The following BRF1 variants were observed in gnomAD, a reference collection of about 807,000 sequenced individuals.
The protein encoded by BRF1 is BRF1 general transcription factor IIIB subunit.
Under a neutral mutation model 81.7 loss-of-function variants are expected in BRF1, and 59 were observed. The observed-to-expected ratio is 0.72, with a 90% confidence interval of 0.59 to 0.90. The LOEUF (loss-of-function observed/expected upper bound fraction) is 0.90, where lower values mean the gene tolerates loss of function less well. Ranked by LOEUF, BRF1 falls within the 40% of genes least tolerant of loss-of-function variation. The pLI, the probability that BRF1 is intolerant of heterozygous loss-of-function variation, is 0.00. For missense variants in BRF1, 1,050 were observed against 936.3 expected, an observed-to-expected ratio of 1.12 and a Z score of -1.58; for synonymous variants, 491 against 395.6, an observed-to-expected ratio of 1.24 and a Z score of -2.86.
Position 105,309,349 on chromosome 14 carries a change from A to G in BRF1, c.-162+5973T>C, listed in dbSNP as rs187437192. Reference sequence around the variant, plus strand: ...ACACCCTGATTTGTCACACAATCACATATCTGAGAATTTCCCCATGTTGCT... The same window carrying G: ...ACACCCTGATTTGTCACACAATCACGTATCTGAGAATTTCCCCATGTTGCT... On this transcript the variant is annotated intron_variant, in intron 1 of 17. Coordinates refer to the BRF1 transcript ENST00000327359. This position sits in a 1 kb window ranked among gnomAD's most constrained non-coding sequence, Gnocchi z 4.0. Among the ~76,000 whole-genome samples the G allele has an allele frequency of 0.017, 2,520 of 146,616 alleles. 72 individuals are homozygous for G. The highest frequency in any genetic ancestry group is 0.064 in the African/African-American group (2,294 of 35,968).
chr14:105,275,722 A>G (rs1027232228), intron 2 of BRF1, among the ~76,000 whole-genome samples: 6 of 152,240 alleles, frequency 3.9e-5, no homozygotes, highest in African/African-American at 9.6e-5. Flanking sequence ...CAGGGCTGCT[A>G]TGGTCAGAAT....
At chr14:105,243,956 C>T (rs139261252) in intron 5 of BRF1, among the ~76,000 whole-genome samples, 5 of 152,122 alleles carry the variant, frequency 3.3e-5, no homozygotes, top group African/African-American at 9.6e-5. Flanking sequence ...ACCAAGACTG[C>T]GCCACTGTAC....
intron 1 of BRF1, among the ~76,000 whole-genome samples, chr14:105,308,050 G>C (rs966651094): frequency 2.6e-5 from 4 of 152,024 alleles, no homozygotes; most frequent in African/African-American, 9.7e-5. Context: ...TGTGCGTGGT[G>C]GTGCGTGCCT....
At position 105,248,264 on chromosome 14, in the gene BRF1, G is replaced by A. The variant is rs370883156; in HGVS notation, c.544+4243C>T. 3.7e-5 allele frequency: 36 copies of A among 985,348 alleles called. No homozygotes were observed. The African/African-American group carries it at 5.8e-4, about 16-fold the overall frequency. 61.0% of individuals were successfully genotyped at this position (985,348 alleles called of 1,614,324 possible). ...ATCCCACAGGCCGCGGCCAGAGGCA[G>A]ACTCCGGAATGCAAATGGCCAAACA... On this transcript the variant is annotated intron_variant, in intron 5 of 17. Coordinates refer to ENST00000547530, the MANE Select transcript of BRF1 (RefSeq NM_001519.4).
intron 5 of BRF1, chr14:105,241,815 G>A (rs587697533): frequency 1.3e-5 from 3 of 226,406 alleles, no homozygotes; most frequent in South Asian, 6.6e-5. Flanking sequence ...GTCGCCAGCC[G>A]GCCGGCATCA....
At chr14:105,228,951 G>A (rs965583915) in intron 6 of BRF1, 38 bp from the exon 7 acceptor site, 2 of 1,593,372 alleles carry the variant, frequency 1.3e-6, no homozygotes, top group African/African-American at 1.3e-5. Flanking sequence ...AACCACGGCT[G>A]GGAACCAGGG....
intron 15 of BRF1, 36 bp downstream of exon 15, chr14:105,217,508 G>T (rs375646517): frequency 1.0e-4 from 163 of 1,594,996 alleles, no homozygotes; most frequent in Middle Eastern, 1.7e-4. Flanking sequence ...GCCCTGGGCT[G>T]CTGCCCTAAC....
At chr14:105,254,718 C>T (rs893019371) in intron 4 of BRF1, among the ~76,000 whole-genome samples, 2 of 152,208 alleles carry the variant, frequency 1.3e-5, no homozygotes, top group Admixed American at 6.5e-5. Flanking sequence ...TCCGCCACAA[C>T]GCTCAGCTAA....
intron 3 of BRF1, among the ~76,000 whole-genome samples, chr14:105,268,697 G>T (rs1201961959): frequency 6.6e-6 from 1 of 152,204 alleles, no homozygotes; most frequent in Non-Finnish European, 1.5e-5. Context: ...GGAGGATCCT[G>T]GGGGGCCTCT....
intron 15 of BRF1, among the ~76,000 whole-genome samples, chr14:105,216,966 A>G (rs1343499998): frequency 6.6e-6 from 1 of 152,186 alleles, no homozygotes; most frequent in Non-Finnish European, 1.5e-5. Flanking sequence ...CCTCGTCAGG[A>G]GAGCCTGCAG....
intron 5 of BRF1, among the ~76,000 whole-genome samples, chr14:105,243,987 G>A (rs1365407145): frequency 6.6e-6 from 1 of 152,112 alleles, no homozygotes; most frequent in Non-Finnish European, 1.5e-5. Context: ...GCGACAGAGC[G>A]AGACTCCATC....
chr14:105,223,565 G>A (rs1159284436), intron 10 of BRF1, among the ~76,000 whole-genome samples: 1 of 152,210 alleles, frequency 6.6e-6, no homozygotes, highest in East Asian at 1.9e-4. Context: ...TATACTATGT[G>A]ATCCTACTCC....
intron 3 of BRF1, among the ~76,000 whole-genome samples, chr14:105,260,921 G>GCC (rs1175331433): frequency 6.6e-6 from 1 of 152,204 alleles, no homozygotes; most frequent in Non-Finnish European, 1.5e-5. Flanking sequence ...GCCTACTAAT[G>GCC]CCTTTGGGGC....
intron 2 of BRF1, among the ~76,000 whole-genome samples, chr14:105,280,438 T>C (rs1352246433): frequency 6.6e-6 from 1 of 152,254 alleles, no homozygotes. Context: ...TATGAAACTG[T>C]AACAGTGGTT....
In BRF1 at chr14:105,298,896, C is replaced by A. The variant is rs149983399; in HGVS notation, c.184+1550G>T. On this transcript the variant is annotated intron_variant, in intron 1 of 17. Transcript: ENST00000547530. Reference sequence around the variant, plus strand: ...TTAAAACTTCTGCTTTGAGGCCGTGCGCAGTGGCTCACGCCTGTAATCCCA... The same window carrying A: ...TTAAAACTTCTGCTTTGAGGCCGTGAGCAGTGGCTCACGCCTGTAATCCCA... Among the ~76,000 whole-genome samples the A allele has an allele frequency of 2.6e-3, 366 of 139,264 alleles. 2 individuals are homozygous for A. Among genetic ancestry groups the A allele is most frequent in the Non-Finnish European group, 1.8e-3 (113 of 64,562 alleles). 91.4% of individuals were successfully genotyped at this position (139,264 alleles called of 152,430 possible). A position where few individuals can be genotyped will look rare whatever the true frequency, so the allele number is the denominator to read the frequency against.
At chr14:105,228,501 G>A (rs974499867) in intron 7 of BRF1, among the ~76,000 whole-genome samples, 64 of 150,820 alleles carry the variant, frequency 4.2e-4, no homozygotes, top group African/African-American at 1.4e-3. Context: ...CCGAGATCAC[G>A]CTATTGCACT....
chr14:105,250,477 G>C (rs146594425), intron 5 of BRF1: 2 of 1,613,828 alleles, frequency 1.2e-6, no homozygotes, highest in Non-Finnish European at 1.7e-6. Flanking sequence ...TTGAACACCC[G>C]GTCCAGGTTG....
chr14:105,299,328 C>A (rs779396272), intron 1 of BRF1, among the ~76,000 whole-genome samples: 1 of 152,040 alleles, frequency 6.6e-6, no homozygotes, highest in African/African-American at 2.4e-5. Flanking sequence ...CCCAGCAATT[C>A]GGGAGGCCAA....
At chr14:105,248,353 G>A in intron 5 of BRF1, 4 of 985,508 alleles carry the variant, frequency 4.1e-6, no homozygotes, top group Non-Finnish European at 3.6e-6. Flanking sequence ...AAGCACCTGC[G>A]CATGGCACTG....
Sources: allele counts gnomAD v4.1 joint callset (sites outside exome capture counted in the v4.1 genomes callset), GRCh38; gene constraint gnomAD v4.1.1; non-coding constraint Gnocchi (gnomAD v3.1); transcripts MANE v1.5; gene names NCBI Gene and HGNC (gene_info 2026-07-23, HGNC 2026-07-21).